The following C1orf21 variants were observed in gnomAD, a reference collection of about 807,000 sequenced individuals.
The protein encoded by C1orf21 is uncharacterized protein C1orf21.
In C1orf21, 3 loss-of-function variants were observed where a neutral mutation model predicts 18.7. That is an observed-to-expected ratio of 0.16 (90% CI 0.07 to 0.42). The LOEUF is 0.42. C1orf21 is among the 10% of genes least tolerant of loss of function. C1orf21 has a pLI of 0.99. For missense variants in C1orf21, 104 were observed against 143.6 expected (o/e 0.72, Z 1.41); for synonymous variants, 41 against 46.4 (o/e 0.88, Z 0.47).
intron 1 of C1orf21, among the ~76,000 whole-genome samples, chr1:184,471,919 T>G (rs1244541778): frequency 6.6e-6 from 1 of 152,192 alleles, no homozygotes; most frequent in Non-Finnish European, 1.5e-5. Flanking sequence ...TTTTCTAGAT[T>G]ATTCTCATGT....
rs1553253570 is a variant in C1orf21, at chr1:184,505,340, T to TAC, written c.95-2242_95-2241dup. 2.0e-3 allele frequency among the ~76,000 whole-genome samples: 238 copies of TAC among 118,674 alleles called. 4 individuals are homozygous for TAC. Among genetic ancestry groups the TAC allele is most frequent in the Middle Eastern group, 4.6e-3 (1 of 218 alleles). The allele number at this position is 118,674 out of a possible 152,430, so 77.9% of individuals were successfully genotyped here. On this transcript the variant is annotated intron_variant, in intron 2 of 5. Transcript: ENST00000235307. ...ATATATATATATATATATATATATA[T>TAC]ACACACATGCCATATATATATAGAC...
chr1:184,545,701 G>A (rs911468831), intron 3 of C1orf21, among the ~76,000 whole-genome samples: 6 of 152,170 alleles, frequency 3.9e-5, no homozygotes, highest in Non-Finnish European at 8.8e-5. Context: ...CTGCCTCAGT[G>A]TCTTCAGCCA....
intron 3 of C1orf21, among the ~76,000 whole-genome samples, chr1:184,589,177 T>C (rs1366711576): frequency 1.3e-5 from 2 of 152,216 alleles, no homozygotes; most frequent in Admixed American, 1.3e-4. Flanking sequence ...TTGCGGAAAT[T>C]ATGTGAAAGA....
At chr1:184,530,025 A>C (rs1458646472) in intron 3 of C1orf21, among the ~76,000 whole-genome samples, 1 of 152,194 alleles carries the variant, frequency 6.6e-6, no homozygotes, top group Non-Finnish European at 1.5e-5. Context: ...ATATCTTACA[A>C]GGGTGCTAGA....
At chr1:184,588,861 C>T (rs1659397974) in intron 3 of C1orf21, among the ~76,000 whole-genome samples, 1 of 152,008 alleles carries the variant, frequency 6.6e-6, no homozygotes, top group Non-Finnish European at 1.5e-5. Context: ...TTCCTGTTGC[C>T]TCTGTCTCAC....
chr1:184,393,658 A>G (rs1263471769), intron 1 of C1orf21, among the ~76,000 whole-genome samples: 1 of 152,232 alleles, frequency 6.6e-6, no homozygotes, highest in African/African-American at 2.4e-5. Context: ...TCCATTGGAT[A>G]AGCTAAAGGA....
chr1:184,510,033 C>T (rs914854082), intron 3 of C1orf21, among the ~76,000 whole-genome samples: 34 of 152,182 alleles, frequency 2.2e-4, no homozygotes, highest in African/African-American at 8.2e-4. Context: ...GTGCTTAGCA[C>T]ATGATAAGCA....
intron 3 of C1orf21, among the ~76,000 whole-genome samples, chr1:184,517,218 T>C (rs903157308): frequency 2.6e-5 from 4 of 152,224 alleles, no homozygotes; most frequent in African/African-American, 9.6e-5. Context: ...ATGTTTGTTA[T>C]AGTAATATAC....
intron 3 of C1orf21, among the ~76,000 whole-genome samples, chr1:184,524,358 C>A (rs1015470699): frequency 2.0e-5 from 3 of 152,080 alleles, no homozygotes; most frequent in Non-Finnish European, 4.4e-5. Flanking sequence ...GAATATAAAA[C>A]TATAAGACTG....
chr1:184,548,966 C>A (rs1042976076), intron 3 of C1orf21, among the ~76,000 whole-genome samples: 9 of 152,142 alleles, frequency 5.9e-5, no homozygotes, highest in African/African-American at 9.7e-5. Flanking sequence ...TACTCTATCA[C>A]AATTTTTTCC....
chr1:184,414,621 CTG>C (rs1306745541), intron 1 of C1orf21, among the ~76,000 whole-genome samples: 1 of 152,024 alleles, frequency 6.6e-6, no homozygotes, highest in Non-Finnish European at 1.5e-5. Flanking sequence ...AAAAATGACA[CTG>C]TATTAGAAAG....
intron 2 of C1orf21, among the ~76,000 whole-genome samples, chr1:184,486,579 A>T (rs895931796): frequency 6.6e-6 from 1 of 152,162 alleles, no homozygotes; most frequent in East Asian, 1.9e-4. Flanking sequence ...CAAAATAGAT[A>T]CCATGCTAGA....
chr1:184,484,009 C>T (rs915236649), intron 2 of C1orf21, among the ~76,000 whole-genome samples: 7 of 151,946 alleles, frequency 4.6e-5, no homozygotes, highest in African/African-American at 1.2e-4. Context: ...CTGCAACCTC[C>T]GTCTCCTGGC....
intron 1 of C1orf21, among the ~76,000 whole-genome samples, chr1:184,422,863 G>T (rs765829602): frequency 1.3e-5 from 2 of 152,214 alleles, no homozygotes; most frequent in Non-Finnish European, 2.9e-5. Context: ...CAATGGCTTG[G>T]TAAGTGTTGA....
At chr1:184,406,259 G>A (rs1656247564) in intron 1 of C1orf21, among the ~76,000 whole-genome samples, 1 of 152,148 alleles carries the variant, frequency 6.6e-6, no homozygotes, top group African/African-American at 2.4e-5. Context: ...TGAAATGCAT[G>A]TAAAATTCAT....
chr1:184,568,190 C>T (rs1659060289), intron 3 of C1orf21, among the ~76,000 whole-genome samples: 1 of 152,252 alleles, frequency 6.6e-6, no homozygotes, highest in African/African-American at 2.4e-5. Flanking sequence ...CCTTTTACCA[C>T]ATACACACAC....
intron 2 of C1orf21, among the ~76,000 whole-genome samples, chr1:184,479,105 T>TG (rs1657615069): frequency 6.6e-6 from 1 of 152,200 alleles, no homozygotes; most frequent in African/African-American, 2.4e-5. Context: ...ATGCACTAAT[T>TG]GCCTGGAACA....
At chr1:184,559,926 A>AT (rs1378490943) in intron 3 of C1orf21, among the ~76,000 whole-genome samples, 1 of 151,846 alleles carries the variant, frequency 6.6e-6, no homozygotes, top group Non-Finnish European at 1.5e-5. Flanking sequence ...TGACTTTTGT[A>AT]TTTTTTGTAG....
chr1:184,503,226 A>G (rs1235028231), intron 2 of C1orf21, among the ~76,000 whole-genome samples: 1 of 152,114 alleles, frequency 6.6e-6, no homozygotes, highest in Non-Finnish European at 1.5e-5. Context: ...GAAGTTTATA[A>G]CTACCCTAAA....
Sources: gnomAD v4.1 joint callset for allele counts (sites outside exome capture counted in the v4.1 genomes callset) on GRCh38, gnomAD v4.1.1 for gene constraint, MANE v1.5 for transcripts, NCBI Gene and HGNC (gene_info 2026-07-23, HGNC 2026-07-21) for gene names.